The following TDG variants were observed in gnomAD, a reference collection of about 807,000 sequenced individuals.
TDG encodes the protein thymine DNA glycosylase.
A neutral mutation model predicts 46.1 loss-of-function variants in TDG; 23 were observed. The observed-to-expected ratio is 0.50, with a 90% CI of 0.36 to 0.71. The LOEUF (loss-of-function observed/expected upper bound fraction) is 0.71, where lower values mean the gene tolerates loss of function less well. Among genes scored for constraint, TDG ranks in the 30% least tolerant of loss-of-function variants. The probability of loss-of-function intolerance (pLI) is 0.00; values close to 1 mark genes in which losing one functional copy is unlikely to be tolerated. For missense variants in TDG, 304 were observed against 486.7 expected (o/e 0.62, Z 3.53); for synonymous variants, 115 against 161.3 (o/e 0.71, Z 2.18).
At chr12:103,985,166 T>TACACACACACACACAC (rs375705839) in intron 8 of TDG, among the ~76,000 whole-genome samples, 2 of 138,504 alleles carry the variant, frequency 1.4e-5, no homozygotes, top group African/African-American at 2.6e-5. Context: ...TATAGACACA[T>TACACACACACACACAC]ACACACACAC....
chr12:103,985,419 G>A (rs549521813), intron 8 of TDG, among the ~76,000 whole-genome samples, 184 bp from the exon 9 acceptor site: 3 of 152,114 alleles, frequency 2.0e-5, no homozygotes, highest in Non-Finnish European at 4.4e-5. Context: ...AAAGTTGAAT[G>A]TAAGCGGTTT....
rs4135099 is a variant in TDG at position 103,981,106 on chromosome 12, C to G, written c.478+144C>G. On this transcript the variant is annotated intron_variant, in intron 4 of 9. Transcript: ENST00000392872. ...TTCATGTTCTGTGTGTGTGTCTGTA[C>G]GTGAAAATAAGAGAGTTTGAAATGA... 0.013 allele frequency: 8,488 copies of G among 670,544 alleles called. 573 individuals carry two copies. In the African/African-American group the frequency reaches 0.14, roughly 11 times the overall value. The allele number at this position is 670,544 out of a possible 1,614,324, so 41.5% of individuals were successfully genotyped here.
chr12:103,967,198 G>T (rs1399264909), intron 1 of TDG, among the ~76,000 whole-genome samples: 2 of 152,148 alleles, frequency 1.3e-5, no homozygotes, highest in Admixed American at 6.5e-5. Context: ...TTTATTCAGG[G>T]TCTTACAGCA....
chr12:103,987,232 T>C lies in TDG; in HGVS notation c.*142T>C. ...GTAATGTAGAACAGTTGTGTGGTAG[T>C]GTGAACCGTATGAACCTAAGTAGTT... is the stretch of plus-strand genomic sequence containing the variant. On this transcript the variant is annotated 3_prime_UTR_variant, in exon 10 of 10. Transcript: ENST00000392872. 1.6e-6 allele frequency: 2 copies of C among 1,278,530 alleles called. No homozygotes were observed. The highest frequency in any genetic ancestry group is 2.1e-6 in the Non-Finnish European group (2 of 934,834). The allele number at this position is 1,278,530 out of a possible 1,614,324, so 79.2% of individuals were successfully genotyped here.
rs762692617 is a variant in TDG at position 103,980,894 on chromosome 12, T to C, written c.410T>C (p.Ile137Thr). Reference protein sequence around the residue: ...ILTFNLDIVIIGINPGLMAAY... With the variant: ...ILTFNLDIVITGINPGLMAAY... ...ATGTCTAATTGTTTTGTTTTATAGA[T>C]TGGCATAAACCCGGGACTAATGGCT... The change falls in exon 4 of 10, where the codon ATT (isoleucine) becomes ACT (threonine). Residue 137 changes from isoleucine (I) to threonine (T), a missense_variant and splice_region_variant. Coordinates refer to ENST00000392872, the MANE Select transcript of TDG (RefSeq NM_003211.6). 3.7e-6 allele frequency: 6 copies of C among 1,613,024 alleles called. No homozygotes were observed. Among genetic ancestry groups the C allele is most frequent in the Non-Finnish European group, 4.2e-6 (5 of 1,179,752 alleles).
At chr12:103,976,830 C>A (rs765276570) in intron 1 of TDG, 88 bp from the exon 2 acceptor site, 15 of 1,496,806 alleles carry the variant, frequency 1.0e-5, no homozygotes, top group Non-Finnish European at 1.2e-5. Flanking sequence ...ATACTTAATA[C>A]TGTACTGAAG....
intron 2 of TDG, 147 bp from the exon 3 acceptor site, chr12:103,979,684 T>C (rs4135094): frequency 0.11 from 99,530 of 947,788 alleles, 6,855 homozygotes; most frequent in East Asian, 0.34. Context: ...AGGGAAGATA[T>C]TGCAGAGGAG....
Position 103,979,109 on chromosome 12 carries a change from C to CTTTT in TDG, c.167-713_167-710dup, listed in dbSNP as rs372883902. Among the ~76,000 whole-genome samples, 3 of 123,580 alleles carry CTTTT rather than the reference C, an allele frequency of 2.4e-5. 1 individual carries two copies. Among genetic ancestry groups the CTTTT allele is most frequent in the Non-Finnish European group, 1.6e-5 (1 of 61,858 alleles). The allele number at this position is 123,580 out of a possible 152,430, so 81.1% of individuals were successfully genotyped here. A position where few individuals can be genotyped will look rare whatever the true frequency, so the allele number is the denominator to read the frequency against. The stretch of plus-strand genomic sequence containing the variant: ...GCCATTGTGTTTTTCTTTTTTCTTT[C>CTTTT]TTTTTTTTTTTTGGACAGAGTCTTG... On this transcript the variant is annotated intron_variant, in intron 2 of 9. Coordinates refer to ENST00000392872, the MANE Select transcript of TDG (RefSeq NM_003211.6).
chr12:103,966,119 TGG>T, intron 1 of TDG, 59 bp downstream of exon 1: 1 of 1,444,788 alleles, frequency 6.9e-7, no homozygotes, highest in Non-Finnish European at 9.1e-7. Flanking sequence ...GCAGGCTGGC[TGG>T]CGCGCGCGCG....
At position 103,974,751 on chromosome 12, in the gene TDG, G is replaced by A. The variant is rs560310258; in HGVS notation, c.24-2167G>A. 2.6e-5 allele frequency among the ~76,000 whole-genome samples: 4 copies of A among 152,014 alleles called. No homozygotes were observed. The East Asian group carries it at 5.8e-4, about 22-fold the overall frequency. On this transcript the variant is annotated intron_variant, in intron 1 of 9. Coordinates refer to ENST00000392872, the MANE Select transcript of TDG (RefSeq NM_003211.6). ...TTTGGGAGGCTGAGGCGGGTGGATCGCGAGGTCAGGAGATTGAGACCATCC... is the reference window on the plus strand; with the variant it reads ...TTTGGGAGGCTGAGGCGGGTGGATCACGAGGTCAGGAGATTGAGACCATCC...
chr12:103,974,968 C>G lies in TDG; in HGVS notation c.24-1950C>G, dbSNP rs1871458929. Among the ~76,000 whole-genome samples, 3 of 126,518 alleles carry G rather than the reference C, an allele frequency of 2.4e-5. No individual in the cohort carries two copies. In the South Asian group the frequency reaches 7.5e-4, roughly 31 times the overall value. The allele number at this position is 126,518 out of a possible 152,430, so 83.0% of individuals were successfully genotyped here. On this transcript the variant is annotated intron_variant, in intron 1 of 9. Transcript: ENST00000392872. ...CCAGCCTGGGCGACAGGGCGAGACT[C>G]CGTCTCAAAAAAAAAAAAAAAAAAA...
chr12:103,980,348 G>T, intron 3 of TDG: 2 of 386,768 alleles, frequency 5.2e-6, no homozygotes, highest in Non-Finnish European at 9.2e-6. Context: ...TGATAAACCA[G>T]GGGTGATAAT....
In TDG at chr12:103,980,854, G is replaced by T. The variant is rs4135097; in HGVS notation, c.409-39G>T. 1.4e-3 allele frequency: 2,180 copies of T among 1,597,248 alleles called. 29 individuals are homozygous for T. In the African/African-American group the frequency reaches 0.026, roughly 19 times the overall value. On this transcript the variant is annotated intron_variant, in intron 3 of 9. Transcript: ENST00000392872. ...ATAGAAACGCTAAGGCTTAGGTCCTGCTTTTTAAGATGAAATGTCTAATTG... is the reference window on the plus strand; with the variant it reads ...ATAGAAACGCTAAGGCTTAGGTCCTTCTTTTTAAGATGAAATGTCTAATTG...
chr12:103,977,923 G>A (rs139654733), intron 2 of TDG, among the ~76,000 whole-genome samples: 18 of 152,184 alleles, frequency 1.2e-4, no homozygotes, highest in Non-Finnish European at 1.5e-4. Flanking sequence ...GCATGGTGGC[G>A]CACACCTGTG....
At chr12:103,985,160 G>GACAC (rs1333247597) in intron 8 of TDG, among the ~76,000 whole-genome samples, 5 of 51,632 alleles carry the variant, frequency 9.7e-5, no homozygotes, top group Admixed American at 5.2e-4. Context: ...TCTATATATA[G>GACAC]ACACATACAC....
At chr12:103,985,789 A>G (rs566805166) in intron 9 of TDG, 61 bp downstream of exon 9, 12 of 1,404,876 alleles carry the variant, frequency 8.5e-6, no homozygotes, top group Non-Finnish European at 1.1e-5. Context: ...TTGGGGGGAA[A>G]ATTTTAATAG....
intron 1 of TDG, 119 bp from the exon 2 acceptor site, chr12:103,976,799 A>G (rs1015454257): frequency 7.3e-6 from 9 of 1,238,518 alleles, no homozygotes; most frequent in Non-Finnish European, 1.0e-5. Flanking sequence ...CTCTAAATAA[A>G]TACTTCAGTC....
chr12:103,982,632 G>A (rs559324339), intron 4 of TDG, among the ~76,000 whole-genome samples, 167 bp from the exon 5 acceptor site: 2 of 152,146 alleles, frequency 1.3e-5, no homozygotes, highest in African/African-American at 2.4e-5. Flanking sequence ...GGGCGTGGTG[G>A]TGTGCATCTG....
chr12:103,980,800 A>G lies in TDG; in HGVS notation c.409-93A>G, dbSNP rs1050621903. On this transcript the variant is annotated intron_variant, in intron 3 of 9. Transcript: ENST00000392872. ...GATGCTGAATTAAATTTGTATTTTA[A>G]TCAACTCAATTTTGTCCACCACTCC... 4.8e-5 allele frequency: 51 copies of G among 1,055,888 alleles called. No individual in the cohort carries two copies. In the African/African-American group the frequency reaches 6.9e-4, roughly 14 times the overall value. The allele number at this position is 1,055,888 out of a possible 1,614,324, so 65.4% of individuals were successfully genotyped here. A position where few individuals can be genotyped will look rare whatever the true frequency, so the allele number is the denominator to read the frequency against.
Sources: gnomAD v4.1 joint callset for allele counts (sites outside exome capture counted in the v4.1 genomes callset) on GRCh38, gnomAD v4.1.1 for gene constraint, MANE v1.5 for transcripts, NCBI Gene and HGNC (gene_info 2026-07-23, HGNC 2026-07-21) for gene names.